The following FRMPD2 variants were observed in gnomAD, a reference collection of about 807,000 sequenced individuals.
The protein encoded by FRMPD2 is FERM and PDZ domain-containing protein 2.
In FRMPD2, 96 loss-of-function variants were observed where a neutral mutation model predicts 140.1. The observed-to-expected ratio is 0.69, with a 90% CI of 0.58 to 0.81. The LOEUF is 0.81. Among genes scored for constraint, FRMPD2 ranks in the 40% least tolerant of loss-of-function variants. The pLI is 0.00. For synonymous variants in FRMPD2, 449 were observed against 547.6 expected (o/e 0.82, Z 2.52); for missense variants, 1,240 against 1,447.4 (o/e 0.86, Z 2.32).
At chr10:48,255,378 C>A (rs1238077401) in intron 1 of FRMPD2, among the ~76,000 whole-genome samples, 2 of 152,200 alleles carry the variant, frequency 1.3e-5, no homozygotes, top group East Asian at 1.9e-4. Context: ...CTTTTCCCTG[C>A]CCTTGATCTT....
At chr10:48,181,967 ATGT>A (rs912018175) in intron 20 of FRMPD2, among the ~76,000 whole-genome samples, 1 of 150,708 alleles carries the variant, frequency 6.6e-6, no homozygotes, top group African/African-American at 2.4e-5. Context: ...TACTGTTAAC[ATGT>A]TATTATTAGC....
In FRMPD2 at chr10:48,236,495, G is replaced by T. The variant is rs561957692; in HGVS notation, c.980C>A (p.Pro327Gln). The change falls in exon 9 of 29, where the codon CCG becomes CAG. Residue 327 changes from proline to glutamine, a missense_variant. Physicochemically the swap from Pro to Gln is moderately conservative, Grantham distance 76. Around this residue, in one of 6 missense-constraint regions of FRMPD2, gnomAD observed 1,161 missense variants for 1,055.9 expected, o/e 1.10. Transcript: ENST00000374201. ...CCCAGTAGTTACCACAACCGATCCC[G>T]GCAGATGTAGTGTCATCGGGGCCTC... The part of the protein sequence containing the change: ...AGEAPMTLHL[P>Q]GSVVTKKGKS... 6.2e-7 allele frequency: 1 copy of T among 1,614,082 alleles called. No individual in the cohort carries two copies. The highest frequency in any genetic ancestry group is 8.5e-7 in the Non-Finnish European group (1 of 1,179,980).
intron 7 of FRMPD2, among the ~76,000 whole-genome samples, chr10:48,239,209 T>C (rs1367208756): frequency 6.6e-6 from 1 of 152,260 alleles, no homozygotes; most frequent in Non-Finnish European, 1.5e-5. Flanking sequence ...ACCTCCCAGC[T>C]GAGCACAGCC....
chr10:48,177,843 C>A (rs1304004016), intron 22 of FRMPD2: 1 of 448,020 alleles, frequency 2.2e-6, no homozygotes, highest in Admixed American at 3.4e-5. Context: ...CTAGTGCATG[C>A]CCTGCTCATC....
chr10:48,264,177 C>T lies in FRMPD2; in HGVS notation c.25+10366G>A, dbSNP rs114431011. ...TAAAATATGTAAAAAAAAAAATCTA[C>T]GGCCAACACATGACCTAAGGGTGTG... is the stretch of plus-strand genomic sequence containing the variant. On this transcript the variant is annotated intron_variant, in intron 1 of 28. Coordinates refer to ENST00000374201, the MANE Select transcript of FRMPD2 (RefSeq NM_001018071.4). 6.8e-3 allele frequency among the ~76,000 whole-genome samples: 1,027 copies of T among 151,762 alleles called. 11 individuals are homozygous for T. The highest frequency in any genetic ancestry group is 0.023 in the African/African-American group (953 of 41,438).
intron 1 of FRMPD2, among the ~76,000 whole-genome samples, chr10:48,266,349 T>G (rs1290167012): frequency 6.6e-6 from 1 of 152,178 alleles, no homozygotes; most frequent in Non-Finnish European, 1.5e-5. Context: ...AGCCTGCACA[T>G]GTACCCCTGT....
At chr10:48,260,510 A>G (rs1840568079) in intron 1 of FRMPD2, among the ~76,000 whole-genome samples, 1 of 152,144 alleles carries the variant, frequency 6.6e-6, no homozygotes, top group Admixed American at 6.5e-5. Flanking sequence ...CACAATTCAA[A>G]CTCTGATCTC....
At chr10:48,209,316 T>C (rs905215862) in intron 13 of FRMPD2, among the ~76,000 whole-genome samples, 5 of 152,214 alleles carry the variant, frequency 3.3e-5, no homozygotes, top group African/African-American at 1.2e-4. Context: ...TTGAGGAAGT[T>C]AGGAAAACAC....
chr10:48,158,171 G>A (rs1410259673), intron 28 of FRMPD2, among the ~76,000 whole-genome samples: 2 of 151,268 alleles, frequency 1.3e-5, no homozygotes, highest in African/African-American at 4.9e-5. Context: ...AAGAGGCAAG[G>A]CTTCATCTGA....
At chr10:48,188,708 T>C (rs1202451498) in intron 16 of FRMPD2, among the ~76,000 whole-genome samples, 1 of 152,218 alleles carries the variant, frequency 6.6e-6, no homozygotes, top group Non-Finnish European at 1.5e-5. Flanking sequence ...GAGGCGATGA[T>C]GCTGAGGTGG....
At chr10:48,176,987 T>A (rs1159003448) in intron 22 of FRMPD2, among the ~76,000 whole-genome samples, 3 of 152,150 alleles carry the variant, frequency 2.0e-5, no homozygotes, top group Non-Finnish European at 2.9e-5. Context: ...AAAATTTTCA[T>A]CAGCCATAGA....
At chr10:48,265,324 T>C (rs1043423263) in intron 1 of FRMPD2, among the ~76,000 whole-genome samples, 4 of 152,026 alleles carry the variant, frequency 2.6e-5, no homozygotes, top group African/African-American at 9.7e-5. Flanking sequence ...TTTATTACGA[T>C]GATGTCAAAA....
At chr10:48,159,018 T>C in intron 28 of FRMPD2, 1 of 351,372 alleles carries the variant, frequency 2.8e-6, no homozygotes, top group South Asian at 2.1e-5. Context: ...AGAAGCAGAT[T>C]GGGCATTTCA....
At chr10:48,240,265 G>T in intron 6 of FRMPD2, 95 bp downstream of exon 6, 1 of 1,370,328 alleles carries the variant, frequency 7.3e-7, no homozygotes, top group Non-Finnish European at 1.0e-6. Context: ...GGCTTTCTCT[G>T]CCATCACAAT....
chr10:48,184,959 C>A, intron 18 of FRMPD2, 78 bp from the exon 19 acceptor site: 1 of 997,138 alleles, frequency 1.0e-6, no homozygotes. Context: ...TTATTTCCCT[C>A]ATATCACACA....
intron 15 of FRMPD2, among the ~76,000 whole-genome samples, chr10:48,195,986 A>T (rs1838940629): frequency 6.6e-6 from 1 of 152,174 alleles, no homozygotes; most frequent in South Asian, 2.1e-4. Context: ...AGGAAGAGCC[A>T]CCTGGGGGCA....
chr10:48,220,653 C>T (rs1305952698), intron 12 of FRMPD2, among the ~76,000 whole-genome samples: 1 of 152,116 alleles, frequency 6.6e-6, no homozygotes, highest in African/African-American at 2.4e-5. Context: ...AAAAACACAA[C>T]CCACAAAATA....
At chr10:48,272,230 A>G (rs1588865344) in intron 1 of FRMPD2, among the ~76,000 whole-genome samples, 1 of 152,250 alleles carries the variant, frequency 6.6e-6, no homozygotes, top group East Asian at 1.9e-4. Context: ...ATTTGCACCC[A>G]TGAGTCATTT....
intron 10 of FRMPD2, among the ~76,000 whole-genome samples, chr10:48,229,192 T>G (rs1839795302): frequency 6.6e-6 from 1 of 152,140 alleles, no homozygotes; most frequent in Non-Finnish European, 1.5e-5. Context: ...GAATAGTTTC[T>G]TGTGCTCTGT....
Sources: gnomAD v4.1 joint callset for allele counts (sites outside exome capture counted in the v4.1 genomes callset) on GRCh38, gnomAD v4.1.1 for gene constraint, gnomAD v4.1.1 regional missense constraint, MANE v1.5 for transcripts, NCBI Gene and HGNC (gene_info 2026-07-23, HGNC 2026-07-21) for gene names.